The following ROBO2 variants were observed in gnomAD, a reference collection of about 807,000 sequenced individuals.
ROBO2 encodes the protein roundabout guidance receptor 2, also known as roundabout homolog 2.
ROBO2 carries 53 observed loss-of-function variants against 160.8 expected under a neutral mutation model. The observed-to-expected ratio is 0.33, with a 90% CI of 0.26 to 0.41. The LOEUF is 0.41. Ranked by LOEUF, ROBO2 falls within the 10% of genes least tolerant of loss-of-function variation. ROBO2 has a pLI of 1.00. For missense variants in ROBO2, 1,577 were observed against 1,722.4 expected, an observed-to-expected ratio of 0.92 and a Z score of 1.49; for synonymous variants, 664 against 611.7, an observed-to-expected ratio of 1.09 and a Z score of -1.26.
chr3:76,216,917 T>A (rs1215876149), intron 2 of ROBO2, among the ~76,000 whole-genome samples: 2 of 151,908 alleles, frequency 1.3e-5, no homozygotes, highest in African/African-American at 2.4e-5. Flanking sequence ...GAAGTAAAGC[T>A]CTCCTCAGCA....
chr3:76,874,513 A>C (rs925289617), intron 2 of ROBO2, among the ~76,000 whole-genome samples: 1 of 152,194 alleles, frequency 6.6e-6, no homozygotes, highest in Admixed American at 6.5e-5. Context: ...AAGGATACTT[A>C]AATTCTGATT....
At chr3:76,986,478 C>G (rs1036380214) in intron 2 of ROBO2, among the ~76,000 whole-genome samples, 2 of 151,886 alleles carry the variant, frequency 1.3e-5, no homozygotes, top group South Asian at 4.2e-4. Flanking sequence ...TACTCATTGC[C>G]AGAATGCCCA....
chr3:76,304,790 C>G, intron 2 of ROBO2, among the ~76,000 whole-genome samples: 1 of 120,750 alleles, frequency 8.3e-6, no homozygotes, highest in East Asian at 2.5e-4. Flanking sequence ...TTCTTTCTTT[C>G]TTTCTTTCTC....
At chr3:76,473,420 T>C (rs935490531) in intron 2 of ROBO2, among the ~76,000 whole-genome samples, 1 of 152,180 alleles carries the variant, frequency 6.6e-6, no homozygotes, top group African/African-American at 2.4e-5. Flanking sequence ...TTTTGACAAG[T>C]ATGTTCTGAA....
chr3:76,813,057 T>G (rs1179045905), intron 2 of ROBO2, among the ~76,000 whole-genome samples: 1 of 151,826 alleles, frequency 6.6e-6, no homozygotes, highest in African/African-American at 2.4e-5. Flanking sequence ...GCTTTGGAAC[T>G]TGGAAGAATA....
intron 2 of ROBO2, among the ~76,000 whole-genome samples, chr3:76,413,555 C>A (rs2075602894): frequency 6.6e-6 from 1 of 152,138 alleles, no homozygotes; most frequent in South Asian, 2.1e-4. Flanking sequence ...GTTCAAAGTT[C>A]CACAAATCTC....
At chr3:76,413,953 G>A (rs139289264) in intron 2 of ROBO2, among the ~76,000 whole-genome samples, 93 of 152,154 alleles carry the variant, frequency 6.1e-4, no homozygotes, top group African/African-American at 2.1e-3. Context: ...AATTTAATTA[G>A]ACTTACAGTT....
Position 77,433,486 on chromosome 3 carries a change from G to GTATATATATATATATATATATATATA in ROBO2, c.389-43920_389-43895dup, listed in dbSNP as rs57475227. Among the ~76,000 whole-genome samples, 132 of 99,358 alleles carry GTATATATATATATATATATATATATA rather than the reference G, an allele frequency of 1.3e-3. 2 individuals are homozygous for GTATATATATATATATATATATATATA. Among genetic ancestry groups the GTATATATATATATATATATATATATA allele is most frequent in the African/African-American group, 4.0e-3 (112 of 28,334 alleles). The allele number at this position is 99,358 out of a possible 152,430, so 65.2% of individuals were successfully genotyped here. Reference sequence around the variant, plus strand: ...GATTTTCCTTCTTCTCTGGCAACTTGTATATATATATATATATATATATAT... The same window carrying GTATATATATATATATATATATATATA: ...GATTTTCCTTCTTCTCTGGCAACTTGTATATATATATATATATATATATATATATATATATATATATATATATATAT... On this transcript the variant is annotated intron_variant, in intron 2 of 25. Transcript: ENST00000461745.
In ROBO2 at chr3:76,602,742, G is replaced by A. The variant is rs568075980; in HGVS notation, c.110-495272G>A. 4.6e-5 allele frequency among the ~76,000 whole-genome samples: 7 copies of A among 152,200 alleles called. No individual in the cohort carries two copies. In the South Asian group the frequency reaches 6.2e-4, roughly 14 times the overall value. ...TCCCACTGGGTTCCTCCCATGACAG[G>A]TGGGAGTTACAATTCAAGATGAGAT... On this transcript the variant is annotated intron_variant, in intron 2 of 26. Transcript: ENST00000487694.
intron 2 of ROBO2, among the ~76,000 whole-genome samples, chr3:76,559,272 A>AT (rs1315783206): frequency 6.6e-6 from 1 of 152,158 alleles, no homozygotes; most frequent in Admixed American, 6.5e-5. Flanking sequence ...CAATGATGCA[A>AT]TATATTAGGG....
intron 2 of ROBO2, among the ~76,000 whole-genome samples, chr3:76,611,493 C>A (rs1420119454): frequency 6.6e-6 from 1 of 152,038 alleles, no homozygotes; most frequent in Non-Finnish European, 1.5e-5. Flanking sequence ...ATGGTTCAGT[C>A]TAGGTAGGAT....
At chr3:77,644,717 G>C (rs2095394316) in exon 25 of ROBO2, 2 of 1,613,770 alleles carry the variant, frequency 1.2e-6, no homozygotes, top group African/African-American at 2.7e-5. Context: ...AGGCCTTGGT[G>C]CCCTATAGCA....
intron 1 of ROBO2, among the ~76,000 whole-genome samples, chr3:75,922,348 T>A (rs1185312045): frequency 1.3e-5 from 2 of 152,146 alleles, no homozygotes; most frequent in Non-Finnish European, 2.9e-5. Flanking sequence ...TATCTAAACG[T>A]AGCCCTAACC....
chr3:77,082,597 A>G (rs2068782138), intron 1 of ROBO2, among the ~76,000 whole-genome samples: 1 of 151,658 alleles, frequency 6.6e-6, no homozygotes. Flanking sequence ...ACATATCAAA[A>G]GATATATTAA....
chr3:76,687,525 TTAAAA>T (rs1267642810), intron 2 of ROBO2, among the ~76,000 whole-genome samples: 2 of 151,936 alleles, frequency 1.3e-5, no homozygotes, highest in Non-Finnish European at 2.9e-5. Flanking sequence ...AAGTAGACAC[TTAAAA>T]TAAAACTCGA....
intron 2 of ROBO2, among the ~76,000 whole-genome samples, chr3:76,360,476 G>A (rs1040373014): frequency 5.3e-5 from 8 of 152,094 alleles, no homozygotes; most frequent in Admixed American, 3.9e-4. Flanking sequence ...AGCATTACAT[G>A]TGTAGGAATA....
At chr3:76,572,226 A>T (rs1056664916) in intron 2 of ROBO2, among the ~76,000 whole-genome samples, 20 of 152,116 alleles carry the variant, frequency 1.3e-4, no homozygotes, top group African/African-American at 3.4e-4. Context: ...GACAGGTTTT[A>T]AAAAATCTAA....
At chr3:76,090,804 A>G (rs563521566) in intron 2 of ROBO2, among the ~76,000 whole-genome samples, 1 of 152,286 alleles carries the variant, frequency 6.6e-6, no homozygotes, top group African/African-American at 2.4e-5. Flanking sequence ...ACATAAATGG[A>G]GTTAACTGAT....
At chr3:76,825,848 A>G (rs2066539798) in intron 2 of ROBO2, among the ~76,000 whole-genome samples, 1 of 152,058 alleles carries the variant, frequency 6.6e-6, no homozygotes, top group Admixed American at 6.6e-5. Context: ...ACAGATTCCT[A>G]AAACTGTTAA....
Sources: allele counts gnomAD v4.1 joint callset (sites outside exome capture counted in the v4.1 genomes callset), GRCh38; gene constraint gnomAD v4.1.1; transcripts MANE v1.5; gene names NCBI Gene and HGNC (gene_info 2026-07-23, HGNC 2026-07-21).